SLCO4C1: variants seen among roughly 807,000 people sequenced by gnomAD.
The protein encoded by SLCO4C1 is organic anion transporter M1.
SLCO4C1 carries 58 observed loss-of-function variants against 72.1 expected under a neutral mutation model. The observed-to-expected ratio is 0.80, with a 90% CI of 0.65 to 1.00. The LOEUF is 1.00. SLCO4C1 is among the 50% of genes least tolerant of loss of function. The probability of loss-of-function intolerance (pLI) is 0.00; values close to 1 mark genes in which losing one functional copy is unlikely to be tolerated. For missense variants in SLCO4C1, 898 were observed against 857.9 expected, an observed-to-expected ratio of 1.05 and a Z score of -0.58; for synonymous variants, 297 against 312.5, an observed-to-expected ratio of 0.95 and a Z score of 0.52.
chr5:102,292,117 G>A (rs1384236983), intron 1 of SLCO4C1, among the ~76,000 whole-genome samples: 1 of 152,122 alleles, frequency 6.6e-6, no homozygotes, highest in African/African-American at 2.4e-5. Context: ...GAGCCAACGC[G>A]CCTGGCCCAG....
intron 2 of SLCO4C1, among the ~76,000 whole-genome samples, chr5:102,285,883 C>G (rs1423289621): frequency 6.6e-6 from 1 of 152,104 alleles, no homozygotes; most frequent in Non-Finnish European, 1.5e-5. Context: ...GAAAAACACT[C>G]AGAGGCCAAG....
intron 3 of SLCO4C1, among the ~76,000 whole-genome samples, chr5:102,265,646 T>C (rs1464504933): frequency 6.6e-6 from 1 of 152,168 alleles, no homozygotes; most frequent in Non-Finnish European, 1.5e-5. Flanking sequence ...TTCTGAGTTC[T>C]CTATTCTGTT....
rs776082636 is a variant in SLCO4C1 at position 102,270,673 on chromosome 5, T to C, written c.753A>G (p.Thr251=). 1.9e-6 allele frequency: 3 copies of C among 1,613,166 alleles called. No individual in the cohort carries two copies. Among genetic ancestry groups the C allele is most frequent in the Non-Finnish European group, 2.5e-6 (3 of 1,179,454 alleles). The part of the protein sequence containing the change: ...AGGTPLYTLG[T]AFLDDSVPTH... ...TGGGCACAGAATCATCAAGAAAGGC[T>C]GTTCCCAGAGTATAAAGAGGAGTTC... The change falls in exon 3 of 13, where the codon ACA becomes ACG. Residue 251 remains threonine (T), a synonymous_variant. Coordinates refer to ENST00000310954, the MANE Select transcript of SLCO4C1 (RefSeq NM_180991.5).
rs556452656 is a variant in SLCO4C1 at position 102,234,443 on chromosome 5, A to G, written c.*2415T>C. On this transcript the variant is annotated 3_prime_UTR_variant, in exon 13 of 13. Transcript: ENST00000310954. ...ATATAAAAGCTCCTGACTCCTTTTA[A>G]GGACCAAAATTATTTTCAGTCTAAC... The G allele has an allele frequency of 6.5e-6, 1 of 152,724 alleles. No individual in the cohort carries two copies. The highest frequency in any genetic ancestry group is 1.9e-4 in the East Asian group (1 of 5,190). 9.5% of individuals were successfully genotyped at this position (152,724 alleles called of 1,614,324 possible).
chr5:102,237,743 A>G (rs1031697589), intron 12 of SLCO4C1, among the ~76,000 whole-genome samples: 3 of 152,244 alleles, frequency 2.0e-5, no homozygotes, highest in Non-Finnish European at 2.9e-5. Flanking sequence ...ATTCCCTTCC[A>G]GGACAGAAAA....
intron 2 of SLCO4C1, 134 bp downstream of exon 2, chr5:102,291,209 T>C (rs756578711): frequency 4.4e-5 from 40 of 903,590 alleles, no homozygotes; most frequent in Non-Finnish European, 6.1e-5. Flanking sequence ...GTTCACACAA[T>C]GAACAAACCA....
At chr5:102,250,785 T>C (rs1450146641) in intron 8 of SLCO4C1, among the ~76,000 whole-genome samples, 1 of 151,938 alleles carries the variant, frequency 6.6e-6, no homozygotes, top group Non-Finnish European at 1.5e-5. Flanking sequence ...GGTCAGGAAT[T>C]TGAGACCAGC....
chr5:102,273,967 AT>A (rs1427268581), intron 2 of SLCO4C1, among the ~76,000 whole-genome samples: 5 of 152,110 alleles, frequency 3.3e-5, no homozygotes, highest in Admixed American at 3.3e-4. Context: ...CCAACCACAG[AT>A]CAAAAATATT....
chr5:102,257,635 T>A (rs1401962610), intron 7 of SLCO4C1, among the ~76,000 whole-genome samples: 2 of 115,734 alleles, frequency 1.7e-5, no homozygotes, highest in Admixed American at 9.3e-5. Flanking sequence ...TTTTTTTTTT[T>A]AAAGACAAGA....
rs755186487 is a variant in SLCO4C1 at position 102,270,633 on chromosome 5, G to C, written c.793C>G (p.Leu265Val). The change falls in exon 3 of 13, where the codon CTC (leucine) becomes GTC (valine). Residue 265 changes from leucine to valine, a missense_variant. Leu to Val is a conservative substitution (Grantham distance 32). Transcript: ENST00000310954. Reference protein sequence around the residue: ...DDSVPTHKSSLYIGTGYAMSI... With the variant: ...DDSVPTHKSSVYIGTGYAMSI... Reference sequence around the variant, plus strand: ...TAGAGAGTAAACTTACCTATATAGAGAGAAGACTTGTGTGTGGGCACAGAA... The same window carrying C: ...TAGAGAGTAAACTTACCTATATAGACAGAAGACTTGTGTGTGGGCACAGAA... 1 of 1,609,872 alleles carries C rather than the reference G, an allele frequency of 6.2e-7. No homozygotes were observed. Among genetic ancestry groups the C allele is most frequent in the Admixed American group, 1.7e-5 (1 of 59,350 alleles).
chr5:102,271,389 T>A lies in SLCO4C1; in HGVS notation c.620-583A>T, dbSNP rs74409938. 1.6e-4 allele frequency among the ~76,000 whole-genome samples: 24 copies of A among 151,420 alleles called. No individual in the cohort carries two copies. In the East Asian group the frequency reaches 4.5e-3, roughly 28 times the overall value. On this transcript the variant is annotated intron_variant, in intron 2 of 12. Coordinates refer to ENST00000310954, the MANE Select transcript of SLCO4C1 (RefSeq NM_180991.5). ...TCTTATTTCCATCAGAATGTTATGA[T>A]GTACATATTTTTTTAAGTTTACCCT... is the stretch of plus-strand genomic sequence containing the variant.
intron 2 of SLCO4C1, among the ~76,000 whole-genome samples, chr5:102,273,136 T>C (rs777244232): frequency 2.0e-5 from 3 of 151,682 alleles, no homozygotes; most frequent in South Asian, 2.1e-4. Flanking sequence ...ACAGAGAGAA[T>C]AGACTTGAGA....
rs139194529 is a variant in SLCO4C1, at chr5:102,242,408, C to T, written c.1812-1626G>A. Among the ~76,000 whole-genome samples the T allele has an allele frequency of 3.4e-3, 515 of 152,296 alleles. 5 individuals carry two copies. Among genetic ancestry groups the T allele is most frequent in the African/African-American group, 0.012 (495 of 41,562 alleles). On this transcript the variant is annotated intron_variant, in intron 10 of 12. Coordinates refer to ENST00000310954, the MANE Select transcript of SLCO4C1 (RefSeq NM_180991.5). ...TATTACTCCTCCACTAATCCCCAGG[C>T]TGCACAGCTCCAGGTTCCAAAAGAA... is the stretch of plus-strand genomic sequence containing the variant.
chr5:102,274,334 A>G (rs1489411322), intron 2 of SLCO4C1, among the ~76,000 whole-genome samples: 1 of 152,202 alleles, frequency 6.6e-6, no homozygotes, highest in Non-Finnish European at 1.5e-5. Flanking sequence ...ACTGTACCTA[A>G]TGAACAAAGA....
rs773794931 is a variant in SLCO4C1, at chr5:102,296,085, C to T, written c.178G>A (p.Glu60Lys). Reference protein sequence around the residue: ...QKPQEPQKSPEPSLPSAPPNV... With the variant: ...QKPQEPQKSPKPSLPSAPPNV... The stretch of plus-strand genomic sequence containing the variant: ...GGAGGGGCTGAAGGCAGAGATGGCT[C>T]TGGTGACTTCTGGGGCTCCTGGGGC... Residue 60 changes from glutamate (E) to lysine (K), a missense_variant, in exon 1 of 13, where the codon GAG (glutamate) becomes AAG (lysine). Glu to Lys is a moderately conservative substitution (Grantham distance 56). Transcript: ENST00000310954. The T allele has an allele frequency of 6.2e-7, 1 of 1,614,164 alleles. No homozygotes were observed. Among genetic ancestry groups the T allele is most frequent in the Non-Finnish European group, 8.5e-7 (1 of 1,180,008 alleles).
At chr5:102,248,475 C>T (rs1278144058) in intron 9 of SLCO4C1, among the ~76,000 whole-genome samples, 1 of 152,018 alleles carries the variant, frequency 6.6e-6, no homozygotes, top group Non-Finnish European at 1.5e-5. Context: ...TTAACCATAT[C>T]GAAATAACAA....
intron 2 of SLCO4C1, among the ~76,000 whole-genome samples, chr5:102,284,094 C>T (rs777627671): frequency 2.0e-5 from 3 of 151,848 alleles, no homozygotes; most frequent in Admixed American, 6.6e-5. Context: ...TGTCCTAATT[C>T]GGTCGCCAGA....
At chr5:102,261,624 T>C (rs184730251) in intron 5 of SLCO4C1, among the ~76,000 whole-genome samples, 13 of 152,156 alleles carry the variant, frequency 8.5e-5, no homozygotes, top group Admixed American at 4.6e-4. Context: ...GTACCTTGCA[T>C]ACACATAAAG....
At chr5:102,275,734 A>T (rs1749235648) in intron 2 of SLCO4C1, among the ~76,000 whole-genome samples, 1 of 152,238 alleles carries the variant, frequency 6.6e-6, no homozygotes, top group Non-Finnish European at 1.5e-5. Flanking sequence ...GTTCTCGAAT[A>T]ACAAGTGGAA....
Sources: gnomAD v4.1 joint callset for allele counts (sites outside exome capture counted in the v4.1 genomes callset) on GRCh38, gnomAD v4.1.1 for gene constraint, MANE v1.5 for transcripts, NCBI Gene and HGNC (gene_info 2026-07-23, HGNC 2026-07-21) for gene names.